Variants in TRABD2A observed in about 807,000 individuals in gnomAD.
The protein encoded by TRABD2A is metalloprotease TIKI1.
In TRABD2A, 43 loss-of-function variants were observed where a neutral mutation model predicts 45.6. The observed-to-expected ratio is 0.94, with a 90% CI of 0.74 to 1.22. The LOEUF (loss-of-function observed/expected upper bound fraction) is 1.22, where lower values mean the gene tolerates loss of function less well. TRABD2A is among the 50% of genes most tolerant of loss of function. TRABD2A has a pLI of 0.00. For synonymous variants in TRABD2A, 269 were observed against 265.0 expected, an observed-to-expected ratio of 1.02 and a Z score of -0.15; for missense variants, 642 against 652.4, an observed-to-expected ratio of 0.98 and a Z score of 0.17.
chr2:84,834,110 C>A (rs1013737242), intron 4 of TRABD2A: 1 of 152,270 alleles, frequency 6.6e-6, no homozygotes, highest in Non-Finnish European at 1.5e-5. Flanking sequence ...TCCACACAGA[C>A]CCGGGGTGGT....
chr2:84,849,067 G>C (rs1300971650), intron 2 of TRABD2A, among the ~76,000 whole-genome samples: 1 of 150,764 alleles, frequency 6.6e-6, no homozygotes, highest in Non-Finnish European at 1.5e-5. Context: ...CAAAATCAAG[G>C]TTCCCTGCAG....
At chr2:84,849,959 A>G (rs1423432840) in intron 2 of TRABD2A, among the ~76,000 whole-genome samples, 7 of 152,202 alleles carry the variant, frequency 4.6e-5, no homozygotes, top group African/African-American at 1.2e-4. Context: ...AAGCCTTTCT[A>G]TGGACTAGCC....
intron 2 of TRABD2A, among the ~76,000 whole-genome samples, chr2:84,861,127 A>G (rs1047438797): frequency 6.6e-6 from 1 of 152,170 alleles, no homozygotes; most frequent in Non-Finnish European, 1.5e-5. Context: ...AGGTGAGGCC[A>G]ATAGGGCTTT....
intron 5 of TRABD2A, among the ~76,000 whole-genome samples, chr2:84,827,228 ATAGCT>A (rs1269053642): frequency 3.3e-5 from 5 of 152,178 alleles, no homozygotes; most frequent in African/African-American, 1.2e-4. Flanking sequence ...CCTTGTGCTG[ATAGCT>A]TATTTGCCCC....
intron 1 of TRABD2A, among the ~76,000 whole-genome samples, chr2:84,872,414 T>G (rs545416972): frequency 6.6e-6 from 1 of 151,568 alleles, no homozygotes; most frequent in Non-Finnish European, 1.5e-5. Context: ...GAGGCTGAGG[T>G]GGGAGGATTG....
In TRABD2A at chr2:84,824,003, C is replaced by A; in HGVS notation, c.1284G>T (p.Arg428=). The A allele has an allele frequency of 6.2e-7, 1 of 1,613,824 alleles. No homozygotes were observed. The highest frequency in any genetic ancestry group is 1.1e-5 in the South Asian group (1 of 91,062). The change falls in exon 6 of 7, where the codon CGG becomes CGT. Residue 428 remains arginine, a synonymous_variant. Coordinates refer to ENST00000409520, the MANE Select transcript of TRABD2A (RefSeq NM_001277053.2). ...CGCTGAATTGCCGGAGTCGCGGCCT[C>A]CGCTGTGACCGCCTCCGCTTCTTCC... ...RFRKKRRRSQ[R]RPRLRQFSDL... is the part of the protein sequence containing the mutation.
intron 1 of TRABD2A, among the ~76,000 whole-genome samples, chr2:84,873,026 A>T (rs1409837476): frequency 6.6e-6 from 1 of 150,810 alleles, no homozygotes; most frequent in Admixed American, 6.6e-5. Context: ...GAGGCAGGAG[A>T]ATTGCTTGAA....
chr2:84,845,893 C>A (rs1681878769), intron 2 of TRABD2A, among the ~76,000 whole-genome samples: 1 of 152,002 alleles, frequency 6.6e-6, no homozygotes. Flanking sequence ...TTTCATTTTA[C>A]CTGAAAAAGG....
chr2:84,822,695 A>G (rs977249921), intron 6 of TRABD2A, among the ~76,000 whole-genome samples: 3 of 152,190 alleles, frequency 2.0e-5, no homozygotes, highest in East Asian at 1.9e-4. Context: ...TCCTCTGTCA[A>G]TGGAGGATGG....
chr2:84,822,042 G>T lies in TRABD2A; in HGVS notation c.1393C>A (p.Arg465=), dbSNP rs773762140. 1 of 1,590,140 alleles carries T rather than the reference G, an allele frequency of 6.3e-7. No individual in the cohort carries two copies. The highest frequency in any genetic ancestry group is 8.6e-7 in the Non-Finnish European group (1 of 1,168,516). Residue 465 remains arginine (R), a synonymous_variant, in exon 7 of 7, where the codon CGG becomes AGG. Coordinates refer to ENST00000409520, the MANE Select transcript of TRABD2A (RefSeq NM_001277053.2). ...VLDRHISTEL[R]LPRRGHSHHS... is the part of the protein sequence containing the mutation. ...TGGGAATGCCCACGGCGAGGGAGCC[G>T]CAGTTCAGTGGAGATGTGCCTGTCC...
At chr2:84,879,457 A>G (rs1683132249) in intron 1 of TRABD2A, 1 of 333,292 alleles carries the variant, frequency 3.0e-6, no homozygotes. Flanking sequence ...CTGGGATTAC[A>G]GGAGTGAGCT....
intron 2 of TRABD2A, among the ~76,000 whole-genome samples, chr2:84,858,293 C>T (rs1348044817): frequency 6.6e-6 from 1 of 152,106 alleles, no homozygotes; most frequent in Non-Finnish European, 1.5e-5. Context: ...CAGACCCCTA[C>T]ACAAATGCTC....
intron 2 of TRABD2A, among the ~76,000 whole-genome samples, chr2:84,844,371 G>C (rs986786127): frequency 6.6e-6 from 1 of 152,122 alleles, no homozygotes; most frequent in Non-Finnish European, 1.5e-5. Context: ...CACCATGTAA[G>C]ACACGCCTTT....
chr2:84,859,971 G>A, intron 2 of TRABD2A, among the ~76,000 whole-genome samples: 1 of 151,764 alleles, frequency 6.6e-6, no homozygotes, highest in Non-Finnish European at 1.5e-5. Context: ...TCACTATGTT[G>A]TCCAGGCTGG....
intron 1 of TRABD2A, among the ~76,000 whole-genome samples, chr2:84,874,048 C>T (rs751782532): frequency 2.0e-5 from 3 of 152,094 alleles, no homozygotes; most frequent in Non-Finnish European, 4.4e-5. Context: ...GGGTGGGGTT[C>T]GTTTTGGTTT....
chr2:84,841,063 G>T (rs554605407), intron 3 of TRABD2A, among the ~76,000 whole-genome samples: 1 of 152,260 alleles, frequency 6.6e-6, no homozygotes, highest in East Asian at 1.9e-4. Context: ...CCCCTCTCCA[G>T]TGTCTTCATG....
rs181315651 is a variant in TRABD2A at position 84,876,732 on chromosome 2, G to C, written c.108+4200C>G. On this transcript the variant is annotated intron_variant, in intron 1 of 6. Coordinates refer to ENST00000409520, the MANE Select transcript of TRABD2A (RefSeq NM_001277053.2). ...TCTTTTTTCAGTTAATACCCTGCTA[G>C]TTGTATTGTTGCTGAGGAGCACCAC... Among the ~76,000 whole-genome samples the C allele has an allele frequency of 7.9e-5, 12 of 152,296 alleles. No individual in the cohort carries two copies. In the East Asian group the frequency reaches 2.3e-3, roughly 29 times the overall value.
intron 6 of TRABD2A, 117 bp downstream of exon 6, chr2:84,823,836 A>AAAGGGAAAGGTTGCTCCATGAGGG: frequency 7.1e-7 from 1 of 1,406,618 alleles, no homozygotes; most frequent in South Asian, 1.4e-5. Context: ...GGTCATGAGG[A>AAAGGGAAAGGTTGCTCCATGAGGG]AAGGGAAAGG....
At chr2:84,838,100 A>G (rs1236016250) in intron 4 of TRABD2A, 5 of 639,336 alleles carry the variant, frequency 7.8e-6, no homozygotes, top group Non-Finnish European at 1.4e-5. Flanking sequence ...GAACTATTGG[A>G]CATGTCAAAT....
Sources: gnomAD v4.1 joint callset for allele counts (sites outside exome capture counted in the v4.1 genomes callset) on GRCh38, gnomAD v4.1.1 for gene constraint, MANE v1.5 for transcripts, NCBI Gene and HGNC (gene_info 2026-07-23, HGNC 2026-07-21) for gene names.